ELMO1: variants seen among roughly 807,000 people sequenced by gnomAD.
ELMO1 encodes engulfment and cell motility 1.
ELMO1 carries 26 observed loss-of-function variants against 98.9 expected under a neutral mutation model. The observed-to-expected ratio is 0.26, with a 90% CI of 0.19 to 0.36. The LOEUF (loss-of-function observed/expected upper bound fraction) is 0.36, where lower values mean the gene tolerates loss of function less well. Ranked by LOEUF, ELMO1 falls within the 10% of genes least tolerant of loss-of-function variation. The pLI is 1.00. For synonymous variants in ELMO1, 346 were observed against 346.0 expected, an observed-to-expected ratio of 1.00 and a Z score of 0.00; for missense variants, 627 against 935.2, an observed-to-expected ratio of 0.67 and a Z score of 4.30.
Position 37,287,053 on chromosome 7 carries a change from C to A in ELMO1, c.193-15171G>T, listed in dbSNP as rs144379953. On this transcript the variant is annotated intron_variant, in intron 4 of 21. Transcript: ENST00000310758. ...ACTAAAAATACAAAAATTAGCCAGG[C>A]GTGGTGGCATATGCCTATAGTTCCA... 7.2e-4 allele frequency among the ~76,000 whole-genome samples: 109 copies of A among 151,988 alleles called. No homozygotes were observed. In the East Asian group the frequency reaches 0.019, roughly 27 times the overall value.
At chr7:37,027,543 T>C (rs534045553) in intron 15 of ELMO1, among the ~76,000 whole-genome samples, 1 of 152,340 alleles carries the variant, frequency 6.6e-6, no homozygotes, top group African/African-American at 2.4e-5. Flanking sequence ...TTGATAGTCA[T>C]GCTTTTGCTA....
chr7:37,440,975 G>A (rs1330108269), intron 1 of ELMO1, among the ~76,000 whole-genome samples: 1 of 151,856 alleles, frequency 6.6e-6, no homozygotes, highest in East Asian at 1.9e-4. Flanking sequence ...CTGTGGTTAC[G>A]CATTTGGGCT....
intron 1 of ELMO1, among the ~76,000 whole-genome samples, chr7:37,417,432 TG>T (rs1426759704): frequency 3.3e-5 from 5 of 151,972 alleles, no homozygotes; most frequent in Admixed American, 2.0e-4. Flanking sequence ...GAGGCCGAGG[TG>T]GGAGGATCAC....
chr7:37,118,144 T>C (rs912517998), intron 14 of ELMO1, among the ~76,000 whole-genome samples: 1 of 152,168 alleles, frequency 6.6e-6, no homozygotes, highest in Non-Finnish European at 1.5e-5. Context: ...AAATTCCCCC[T>C]TGAAATGTTA....
chr7:37,199,043 C>T (rs1792132867), intron 13 of ELMO1, among the ~76,000 whole-genome samples: 1 of 152,180 alleles, frequency 6.6e-6, no homozygotes, highest in Non-Finnish European at 1.5e-5. Context: ...TAGGCGCGCC[C>T]CCTAGTGGAC....
At chr7:37,345,855 G>C (rs970731607) in intron 1 of ELMO1, among the ~76,000 whole-genome samples, 17 of 150,412 alleles carry the variant, frequency 1.1e-4, no homozygotes, top group Admixed American at 1.1e-3. Context: ...CGGGCGTGGT[G>C]GTGGGTGCCT....
chr7:37,100,849 C>T (rs1784599813), intron 14 of ELMO1, among the ~76,000 whole-genome samples: 1 of 152,208 alleles, frequency 6.6e-6, no homozygotes, highest in African/African-American at 2.4e-5. Flanking sequence ...ATGTGGTGAC[C>T]TTGGACAAAG....
intron 14 of ELMO1, among the ~76,000 whole-genome samples, chr7:37,113,438 A>G (rs1272416350): frequency 6.6e-6 from 1 of 152,208 alleles, no homozygotes; most frequent in Admixed American, 6.5e-5. Flanking sequence ...GAAATAAAGG[A>G]GGTAAGGTAG....
At chr7:36,923,461 T>C (rs1785299711) in intron 16 of ELMO1, among the ~76,000 whole-genome samples, 1 of 152,122 alleles carries the variant, frequency 6.6e-6, no homozygotes, top group African/African-American at 2.4e-5. Context: ...ATAAAAACCC[T>C]TGTATTGGTT....
At chr7:37,162,938 G>T (rs972459742) in intron 13 of ELMO1, among the ~76,000 whole-genome samples, 1 of 152,100 alleles carries the variant, frequency 6.6e-6, no homozygotes, top group Admixed American at 6.5e-5. Context: ...AAAAGTTAAA[G>T]AAGTTCTCCT....
chr7:37,125,674 C>T (rs146177617), intron 14 of ELMO1, among the ~76,000 whole-genome samples: 3,722 of 152,230 alleles, frequency 0.024, 55 homozygotes, highest in Non-Finnish European at 0.03. Flanking sequence ...TGTGGAGAAA[C>T]AGGAACACTT....
At chr7:37,314,270 T>G (rs1447821455) in intron 4 of ELMO1, among the ~76,000 whole-genome samples, 1 of 152,136 alleles carries the variant, frequency 6.6e-6, no homozygotes, top group Non-Finnish European at 1.5e-5. Context: ...CTCAATAAAT[T>G]CCAGTGTGCC....
intron 19 of ELMO1, among the ~76,000 whole-genome samples, chr7:36,875,745 G>C (rs1803904410): frequency 6.6e-6 from 1 of 152,030 alleles, no homozygotes; most frequent in Admixed American, 6.6e-5. Flanking sequence ...TGGGGGTGAG[G>C]GTCTTAGCAG....
At chr7:37,083,594 G>A (rs1042694640) in intron 15 of ELMO1, among the ~76,000 whole-genome samples, 2 of 152,126 alleles carry the variant, frequency 1.3e-5, no homozygotes, top group Non-Finnish European at 2.9e-5. Flanking sequence ...CTGTTCTTGC[G>A]GCCAAAACCC....
intron 14 of ELMO1, among the ~76,000 whole-genome samples, chr7:37,121,147 A>G (rs1244330842): frequency 6.6e-6 from 1 of 152,182 alleles, no homozygotes; most frequent in Non-Finnish European, 1.5e-5. Context: ...TCAAAGACCA[A>G]AGGTAGATAA....
At chr7:37,164,437 C>T (rs1789484544) in intron 13 of ELMO1, among the ~76,000 whole-genome samples, 1 of 152,108 alleles carries the variant, frequency 6.6e-6, no homozygotes, top group African/African-American at 2.4e-5. Context: ...AATAGTAATG[C>T]CTAGGTTTTC....
At chr7:37,057,260 C>T (rs1223382457) in intron 15 of ELMO1, among the ~76,000 whole-genome samples, 1 of 151,604 alleles carries the variant, frequency 6.6e-6, no homozygotes, top group Non-Finnish European at 1.5e-5. Flanking sequence ...TATTGTGGTA[C>T]ACAGTTGTCA....
intron 15 of ELMO1, among the ~76,000 whole-genome samples, chr7:37,054,693 T>C (rs1027074199): frequency 6.6e-6 from 1 of 152,144 alleles, no homozygotes; most frequent in Non-Finnish European, 1.5e-5. Flanking sequence ...ATCTGTCTAT[T>C]TCATGTAGTA....
chr7:36,867,335 ACAAGGC>A (rs1267053995), intron 20 of ELMO1, among the ~76,000 whole-genome samples: 1 of 152,202 alleles, frequency 6.6e-6, no homozygotes, highest in Non-Finnish European at 1.5e-5. Flanking sequence ...GGAGTCTGAT[ACAAGGC>A]CAAATATACT....
Sources: gnomAD v4.1 joint callset for allele counts (sites outside exome capture counted in the v4.1 genomes callset) on GRCh38, gnomAD v4.1.1 for gene constraint, MANE v1.5 for transcripts, NCBI Gene and HGNC (gene_info 2026-07-23, HGNC 2026-07-21) for gene names.